Variants in PXMP2 observed in about 807,000 individuals in gnomAD.
The protein encoded by PXMP2 is 22 kDa peroxisomal membrane protein.
A neutral mutation model predicts 20.2 loss-of-function variants in PXMP2; 13 were observed. The ratio of observed to expected loss-of-function variants is 0.64; its 90% CI spans 0.42 to 1.02. PXMP2 has a LOEUF of 1.02. Ranked by LOEUF, PXMP2 falls within the 50% of genes least tolerant of loss-of-function variation. The probability of loss-of-function intolerance (pLI) is 0.00; values close to 1 mark genes in which losing one functional copy is unlikely to be tolerated. For missense variants in PXMP2, 284 were observed against 251.8 expected (o/e 1.13, Z -0.87); for synonymous variants, 113 against 111.2 (o/e 1.02, Z -0.10).
chr12:132,695,768 A>G (rs2043406418), intron 2 of PXMP2, 116 bp from the exon 3 acceptor site: 1 of 1,133,140 alleles, frequency 8.8e-7, no homozygotes, highest in East Asian at 2.5e-5. Flanking sequence ...TGTGTGGCCA[A>G]TACTGAGGGA....
intron 2 of PXMP2, among the ~76,000 whole-genome samples, chr12:132,694,939 AGCCAGTTAGTTAGTGAGCTCCCTT>A (rs1419140083): frequency 4.4e-4 from 27 of 61,424 alleles, no homozygotes; most frequent in South Asian, 1.0e-3. Flanking sequence ...GAGCTCCCTT[AGCCAGTTAGTTAGTGAGCTCCCTT>A]GCCAGTTAGT....
chr12:132,698,991 G>A (rs996265516), intron 3 of PXMP2, among the ~76,000 whole-genome samples: 11 of 152,248 alleles, frequency 7.2e-5, no homozygotes, highest in African/African-American at 1.4e-4. Context: ...TAGAGGGTAC[G>A]AGTGCAGATT....
rs752950369 is a variant in PXMP2 at position 132,690,369 on chromosome 12, G to A, written c.229G>A (p.Val77Ile). The A allele has an allele frequency of 4.3e-6, 7 of 1,611,296 alleles. No homozygotes were observed. The highest frequency in any genetic ancestry group is 2.2e-5 in the East Asian group (1 of 44,830). Residue 77 changes from valine to isoleucine, a missense_variant, in exon 2 of 5, where the codon GTT becomes ATT. Transcript: ENST00000317479. ...TGTCGGTGGGCCTCTGAGATATGCCGTTTACGGGTGAGTGCCATACAAGGG... is the reference window on the plus strand; with the variant it reads ...TGTCGGTGGGCCTCTGAGATATGCCATTTACGGGTGAGTGCCATACAAGGG... The part of the protein sequence containing the change: ...LDVGGPLRYA[V>I]YGFFFTGPLS...
chr12:132,703,600 G>A (rs967694611), intron 4 of PXMP2, among the ~76,000 whole-genome samples: 2 of 152,192 alleles, frequency 1.3e-5, no homozygotes, highest in East Asian at 1.9e-4. Context: ...TCTCTGGAGG[G>A]CCAGGGGCTG....
At chr12:132,690,504 T>G (rs1377456365) in intron 2 of PXMP2, 128 bp downstream of exon 2, 1 of 707,636 alleles carries the variant, frequency 1.4e-6, no homozygotes, top group Non-Finnish European at 2.3e-6. Context: ...GTAGTAATCA[T>G]CATGGGAAAA....
Position 132,690,337 on chromosome 12 carries a change from GTCTGGATGTCGGTGGGCC to G in PXMP2, c.202_219del (p.Asp68_Leu73del). The G allele has an allele frequency of 6.2e-7, 1 of 1,614,118 alleles. No individual in the cohort carries two copies. The highest frequency in any genetic ancestry group is 1.7e-4 in the Middle Eastern group (1 of 6,058). Reference sequence around the variant, plus strand: ...AAGCGGAAAAAAGAAAACTCTAGAAGTCTGGATGTCGGTGGGCCTCTGAGATATGCCGTTTACGGGTGA... The same window carrying G: ...AAGCGGAAAAAAGAAAACTCTAGAAGTCTGAGATATGCCGTTTACGGGTGA... On this transcript the variant is annotated inframe_deletion, in exon 2 of 5. Coordinates refer to ENST00000317479, the MANE Select transcript of PXMP2 (RefSeq NM_018663.3).
At chr12:132,700,711 G>C (rs1412495242) in intron 3 of PXMP2, among the ~76,000 whole-genome samples, 1 of 152,018 alleles carries the variant, frequency 6.6e-6, no homozygotes, top group Non-Finnish European at 1.5e-5. Context: ...TGCTGTATTT[G>C]CTTTTGAGCA....
intron 2 of PXMP2, among the ~76,000 whole-genome samples, chr12:132,694,758 CAGTT>C (rs200349779): frequency 2.0e-4 from 22 of 107,648 alleles, no homozygotes; most frequent in South Asian, 1.1e-3. Context: ...CTCCCTTAGT[CAGTT>C]AGTGAGTGCC....
At chr12:132,689,267 G>C (rs542745386) in intron 1 of PXMP2, among the ~76,000 whole-genome samples, 1 of 151,896 alleles carries the variant, frequency 6.6e-6, no homozygotes. Context: ...TGTGGAGACA[G>C]GGCCAAGGGA....
chr12:132,689,045 C>T (rs2043345013), intron 1 of PXMP2, among the ~76,000 whole-genome samples: 1 of 92,122 alleles, frequency 1.1e-5, no homozygotes, highest in East Asian at 3.1e-4. Flanking sequence ...GCCAGGGGAG[C>T]GGGTCCTCAT....
Position 132,701,290 on chromosome 12 carries a change from G to C in PXMP2, c.440G>C (p.Gly147Ala), listed in dbSNP as rs370505382. 3 of 1,612,704 alleles carry C rather than the reference G, an allele frequency of 1.9e-6. No homozygotes were observed. The African/African-American group carries it at 4.0e-5, about 22-fold the overall frequency. The change falls in exon 4 of 5, where the codon GGC becomes GCC. Residue 147 changes from glycine (G) to alanine (A), a missense_variant. Coordinates refer to ENST00000317479, the MANE Select transcript of PXMP2 (RefSeq NM_018663.3). ...GCCTTCGCCGCCAAGATGAGGGGGG[G>C]CTTCTGGCCGGCGCTGAGGATGAAC... is the stretch of plus-strand genomic sequence containing the variant. ...ASAFAAKMRG[G>A]FWPALRMNWR...
intron 1 of PXMP2, among the ~76,000 whole-genome samples, chr12:132,689,676 T>C (rs2043355664): frequency 6.6e-6 from 1 of 152,198 alleles, no homozygotes; most frequent in South Asian, 2.1e-4. Flanking sequence ...CTGGGCCTGT[T>C]CCACCTTTTT....
At chr12:132,692,929 C>CAGTT (rs549368708) in intron 2 of PXMP2, among the ~76,000 whole-genome samples, 6 of 68,162 alleles carry the variant, frequency 8.8e-5, no homozygotes, top group Non-Finnish European at 1.7e-4. Flanking sequence ...GCGCCCTTGC[C>CAGTT]AGTTAGTGAG....
Position 132,687,744 on chromosome 12 carries a change from A to G in PXMP2, c.74A>G (p.Tyr25Cys). ...GALPRRALAQ[Y>C]LLFLRLYPVL... ...CTGCCGCGGCGGGCGCTCGCCCAGT[A>G]CCTGCTCTTCCTGCGGCTCTACCCG... The change falls in exon 1 of 5, where the codon TAC (tyrosine) becomes TGC (cysteine). Residue 25 changes from tyrosine to cysteine, a missense_variant. Physicochemically the swap from Tyr to Cys is radical, Grantham distance 194. Coordinates refer to ENST00000317479, the MANE Select transcript of PXMP2 (RefSeq NM_018663.3). 8.2e-7 allele frequency: 1 copy of G among 1,221,884 alleles called. No individual in the cohort carries two copies. 75.7% of individuals were successfully genotyped at this position (1,221,884 alleles called of 1,614,324 possible).
chr12:132,695,502 G>T (rs144380008), intron 2 of PXMP2, among the ~76,000 whole-genome samples: 1 of 152,226 alleles, frequency 6.6e-6, no homozygotes, highest in African/African-American at 2.4e-5. Context: ...TGCCTTCTAG[G>T]GGGGACGAGA....
intron 2 of PXMP2, among the ~76,000 whole-genome samples, chr12:132,691,228 T>G (rs2043364840): frequency 6.6e-6 from 1 of 151,980 alleles, no homozygotes; most frequent in South Asian, 2.1e-4. Context: ...ATTTTTTGTA[T>G]TTTTAGTAGA....
chr12:132,703,935 G>T (rs543181918), intron 4 of PXMP2, among the ~76,000 whole-genome samples: 1 of 152,324 alleles, frequency 6.6e-6, no homozygotes, highest in South Asian at 2.1e-4. Flanking sequence ...GATGGAAGAG[G>T]GGAGAGCTGG....
Position 132,696,004 on chromosome 12 carries a change from G to A in PXMP2, c.357G>A (p.Pro119=), listed in dbSNP as rs145883118. 86 of 1,611,038 alleles carry A rather than the reference G, an allele frequency of 5.3e-5. No individual in the cohort carries two copies. Among genetic ancestry groups the A allele is most frequent in the Middle Eastern group, 1.7e-4 (1 of 6,058 alleles). Residue 119 remains proline, a synonymous_variant, in exon 3 of 5, where the codon CCG becomes CCA. Coordinates refer to ENST00000317479, the MANE Select transcript of PXMP2 (RefSeq NM_018663.3). The surrounding 1 kb of genome is among the most constrained non-coding windows in gnomAD (Gnocchi z 4.4). The part of the protein sequence containing the change: ...RLLLDRLVFA[P]AFLMLFFLIM... ...TCCTGGACCGCCTCGTCTTTGCACC[G>A]GCCTTCCTCATGTTGTTCTTCCTCA...
chr12:132,702,932 A>G (rs2043450940), intron 4 of PXMP2, among the ~76,000 whole-genome samples: 1 of 152,232 alleles, frequency 6.6e-6, no homozygotes, highest in Non-Finnish European at 1.5e-5. Context: ...AAGAAGCAGC[A>G]GGAAACCAGG....
Sources: allele counts gnomAD v4.1 joint callset (sites outside exome capture counted in the v4.1 genomes callset), GRCh38; gene constraint gnomAD v4.1.1; non-coding constraint Gnocchi (gnomAD v3.1); transcripts MANE v1.5; gene names NCBI Gene and HGNC (gene_info 2026-07-23, HGNC 2026-07-21).